TLN2: variants seen among roughly 807,000 people sequenced by gnomAD.
TLN2 encodes talin-2.
A neutral mutation model predicts 294.7 loss-of-function variants in TLN2; 118 were observed. The observed-to-expected ratio is 0.40, with a 90% CI of 0.34 to 0.47. The LOEUF is 0.47. Ranked by LOEUF, TLN2 falls within the 20% of genes least tolerant of loss-of-function variation. The pLI, the probability that TLN2 is intolerant of heterozygous loss-of-function variation, is 0.84. For missense variants in TLN2, 3,083 were observed against 3,282.2 expected (o/e 0.94, Z 1.48); for synonymous variants, 1,431 against 1,304.5 (o/e 1.10, Z -2.09).
chr15:62,783,005 A>G (rs2064316099), intron 44 of TLN2, among the ~76,000 whole-genome samples: 11 of 152,216 alleles, frequency 7.2e-5, no homozygotes, highest in Admixed American at 7.2e-4. Context: ...AAGAGGAAAC[A>G]CTAGAAACTA....
intron 26 of TLN2, among the ~76,000 whole-genome samples, chr15:62,723,320 C>G (rs933802440): frequency 1.3e-5 from 2 of 152,164 alleles, no homozygotes; most frequent in African/African-American, 2.4e-5. Context: ...CTGGAATCAC[C>G]TGGGGATGCT....
At chr15:62,476,568 C>A (rs1023612940) in intron 1 of TLN2, among the ~76,000 whole-genome samples, 4 of 152,150 alleles carry the variant, frequency 2.6e-5, no homozygotes, top group African/African-American at 7.2e-5. Flanking sequence ...CGTACAGGGC[C>A]CTTCTGTTGC....
intron 1 of TLN2, among the ~76,000 whole-genome samples, chr15:62,515,941 G>C (rs2040169552): frequency 6.6e-6 from 1 of 152,198 alleles, no homozygotes; most frequent in Admixed American, 6.5e-5. Context: ...CGCTGCTGCT[G>C]AACCCCCTAT....
chr15:62,436,444 A>G (rs1179493251), intron 1 of TLN2, among the ~76,000 whole-genome samples: 1 of 152,166 alleles, frequency 6.6e-6, no homozygotes, highest in East Asian at 1.9e-4. Context: ...AATGTGTCCA[A>G]CCCTATAACC....
intron 50 of TLN2, among the ~76,000 whole-genome samples, chr15:62,805,032 C>T (rs1246461421): frequency 6.6e-6 from 1 of 152,142 alleles, no homozygotes; most frequent in Non-Finnish European, 1.5e-5. Context: ...CTAAATAATT[C>T]ACAGTGTCAC....
At chr15:62,408,899 ATCC>A (rs1181676625) in intron 1 of TLN2, among the ~76,000 whole-genome samples, 1 of 151,876 alleles carries the variant, frequency 6.6e-6, no homozygotes, top group Non-Finnish European at 1.5e-5. Flanking sequence ...AGCTCAAACA[ATCC>A]TCCTGCCTCG....
chr15:62,714,565 A>T (rs2059650096), intron 22 of TLN2, among the ~76,000 whole-genome samples: 1 of 152,034 alleles, frequency 6.6e-6, no homozygotes, highest in Non-Finnish European at 1.5e-5. Flanking sequence ...AGTTACCAGA[A>T]ACTCGTTTCT....
chr15:62,715,498 A>G (rs979623604), intron 22 of TLN2, among the ~76,000 whole-genome samples: 1 of 152,246 alleles, frequency 6.6e-6, no homozygotes, highest in African/African-American at 2.4e-5. Flanking sequence ...GAATTATTAT[A>G]GAGTTAAAAT....
rs569027631 is a variant in TLN2, at chr15:62,656,227, C to T, written c.660+141C>T. 85 of 1,076,318 alleles carry T rather than the reference C, an allele frequency of 7.9e-5. 2 individuals are homozygous for T. In the South Asian group the frequency reaches 8.4e-4, roughly 11 times the overall value. 66.7% of individuals were successfully genotyped at this position (1,076,318 alleles called of 1,614,324 possible). A position where few individuals can be genotyped will look rare whatever the true frequency, so the allele number is the denominator to read the frequency against. ...CCAGCAGGCGCTGCTCGTGGGTCCC[C>T]GCATGTGTTTGGTTGTGGTGCAGGT... On this transcript the variant is annotated intron_variant, in intron 8 of 58. Coordinates refer to ENST00000636159, the MANE Select transcript of TLN2 (RefSeq NM_015059.3).
rs535132610 is a variant in TLN2, at chr15:62,767,262, T to A, written c.5196+840T>A. ...GGTTCCAAGGAGGGATTTTTAAGAT[T>A]TGAAATCTCAAAGGCCAGTGTCTTT... On this transcript the variant is annotated intron_variant, in intron 41 of 58. Coordinates refer to ENST00000636159, the MANE Select transcript of TLN2 (RefSeq NM_015059.3). 4.0e-3 allele frequency among the ~76,000 whole-genome samples: 603 copies of A among 152,332 alleles called. 1 individual carries two copies. Among genetic ancestry groups the A allele is most frequent in the Non-Finnish European group, 5.9e-3 (399 of 68,024 alleles).
At chr15:62,551,451 C>A (rs112519468) in intron 1 of TLN2, among the ~76,000 whole-genome samples, 4,011 of 151,964 alleles carry the variant, frequency 0.026, 60 homozygotes, top group African/African-American at 0.032. Flanking sequence ...ACAGGCAGAT[C>A]ATGAGGTCAG....
intron 1 of TLN2, among the ~76,000 whole-genome samples, chr15:62,533,106 T>G (rs1478554766): frequency 1.3e-5 from 2 of 151,520 alleles, no homozygotes; most frequent in Admixed American, 6.6e-5. Flanking sequence ...ATACAAAAAA[T>G]AGCCAGGTGT....
intron 31 of TLN2, 123 bp downstream of exon 31, chr15:62,739,668 T>G: frequency 8.5e-7 from 1 of 1,174,760 alleles, no homozygotes; most frequent in Non-Finnish European, 1.2e-6. Context: ...CATGGTTGCA[T>G]TCTTTTTGCT....
In TLN2 at chr15:62,781,131, C is replaced by T. The variant is rs763794804; in HGVS notation, c.5515-9C>T. The T allele has an allele frequency of 6.2e-7, 1 of 1,609,590 alleles. No individual in the cohort carries two copies. Among genetic ancestry groups the T allele is most frequent in the Middle Eastern group, 1.7e-4 (1 of 6,050 alleles). ...TATGACCTTTGGATTCTTTTCCTCT[C>T]CTCTGTAGCTGGATGAAGGCACTCC... On this transcript the variant is annotated splice_polypyrimidine_tract_variant and intron_variant, in intron 43 of 58. Coordinates refer to ENST00000636159, the MANE Select transcript of TLN2 (RefSeq NM_015059.3).
At chr15:62,584,532 C>T (rs1410703428) in intron 1 of TLN2, among the ~76,000 whole-genome samples, 1 of 152,214 alleles carries the variant, frequency 6.6e-6, no homozygotes, top group Non-Finnish European at 1.5e-5. Context: ...GCCCAACCCC[C>T]AGCCTCTAGC....
At position 62,513,703 on chromosome 15, in the gene TLN2, A is replaced by G. The variant is rs753804164; in HGVS notation, c.-237-75984A>G. 4.6e-5 allele frequency among the ~76,000 whole-genome samples: 7 copies of G among 152,218 alleles called. No individual in the cohort carries two copies. The South Asian group carries it at 1.2e-3, about 27-fold the overall frequency. ...TAAAGGGTCTAGCAGAGTGTCTGGC[A>G]TATGGACAACTCAGTAAATGCCAGA... On this transcript the variant is annotated intron_variant, in intron 1 of 58. Transcript: ENST00000636159.
Position 62,694,346 on chromosome 15 carries a change from G to A in TLN2, c.1246G>A (p.Gly416Ser), listed in dbSNP as rs756715694. 1.9e-6 allele frequency: 3 copies of A among 1,614,086 alleles called. No homozygotes were observed. Among genetic ancestry groups the A allele is most frequent in the African/African-American group, 1.3e-5 (1 of 75,018 alleles). Residue 416 changes from glycine to serine, a missense_variant, in exon 14 of 59, where the codon GGT becomes AGT. Coordinates refer to ENST00000636159, the MANE Select transcript of TLN2 (RefSeq NM_015059.3). ...KQSKDRFGLE[G>S]DEESTMLEES... The stretch of plus-strand genomic sequence containing the variant: ...AAGTAAAGATCGATTTGGACTAGAA[G>A]GTGATGAGGAGTCAACCATGTTAGA...
chr15:62,481,798 C>CTTTT (rs60002079), intron 1 of TLN2, among the ~76,000 whole-genome samples: 2,600 of 115,708 alleles, frequency 0.022, 103 homozygotes, highest in African/African-American at 0.078. Flanking sequence ...TTCTTTCTTT[C>CTTTT]TTTTTTTTTT....
chr15:62,486,591 G>A lies in TLN2; in HGVS notation c.-238+95906G>A, dbSNP rs377579757. On this transcript the variant is annotated intron_variant, in intron 1 of 58. Transcript: ENST00000636159. ...TCCACAATTCATCTATTTTTGTTGG[G>A]CATGCTCTATAAATTATGGTTTGCA... is the stretch of plus-strand genomic sequence containing the variant. Among the ~76,000 whole-genome samples the A allele has an allele frequency of 3.3e-5, 5 of 151,598 alleles. No individual in the cohort carries two copies. In the East Asian group the frequency reaches 7.8e-4, roughly 24 times the overall value.
Sources: gnomAD v4.1 joint callset for allele counts (sites outside exome capture counted in the v4.1 genomes callset) on GRCh38, gnomAD v4.1.1 for gene constraint, MANE v1.5 for transcripts, NCBI Gene and HGNC (gene_info 2026-07-23, HGNC 2026-07-21) for gene names.